The following EEF2K variants were observed in gnomAD, a reference collection of about 807,000 sequenced individuals.
EEF2K encodes alternative protein EEF2K.
A neutral mutation model predicts 93.8 loss-of-function variants in EEF2K; 70 were observed. The ratio of observed to expected loss-of-function variants is 0.75; its 90% CI spans 0.62 to 0.91. The LOEUF (loss-of-function observed/expected upper bound fraction) is 0.91, where lower values mean the gene tolerates loss of function less well. EEF2K is among the 40% of genes least tolerant of loss of function. The pLI is 0.00. For synonymous variants in EEF2K, 376 were observed against 380.8 expected (o/e 0.99, Z 0.15); for missense variants, 935 against 972.9 (o/e 0.96, Z 0.52).
At position 22,248,795 on chromosome 16, in the gene EEF2K, C is replaced by G. The variant is rs959467881; in HGVS notation, c.388C>G (p.Leu130Val). The G allele has an allele frequency of 4.3e-6, 7 of 1,614,044 alleles. No homozygotes were observed. The highest frequency in any genetic ancestry group is 5.1e-6 in the Non-Finnish European group (6 of 1,179,972). Reference sequence around the variant, plus strand: ...CGGGGAATGGCTGGATGATGAAGTTCTGATCAAGATGGCATCTCAGGTGAG... The same window carrying G: ...CGGGGAATGGCTGGATGATGAAGTTGTGATCAAGATGGCATCTCAGGTGAG... ...VTGEWLDDEV[L>V]IKMASQPFGR... Residue 130 changes from leucine (L) to valine (V), a missense_variant, in exon 4 of 18, where the codon CTG becomes GTG. Physicochemically the swap from Leu to Val is conservative, Grantham distance 32. Coordinates refer to ENST00000263026, the MANE Select transcript of EEF2K (RefSeq NM_013302.5).
At chr16:22,221,278 G>C (rs2047008881) in intron 1 of EEF2K, among the ~76,000 whole-genome samples, 1 of 152,070 alleles carries the variant, frequency 6.6e-6, no homozygotes, top group South Asian at 2.1e-4. Context: ...CTTGAGGCTG[G>C]AAGTTCAAGA....
intron 16 of EEF2K, among the ~76,000 whole-genome samples, chr16:22,278,406 AGAGCAAG>A (rs1325983114): frequency 2.0e-5 from 3 of 152,198 alleles, no homozygotes; most frequent in Non-Finnish European, 2.9e-5. Context: ...CGTTCCAACC[AGAGCAAG>A]GAGCCAGGTG....
At chr16:22,249,463 C>T (rs780006524) in intron 4 of EEF2K, among the ~76,000 whole-genome samples, 2 of 152,140 alleles carry the variant, frequency 1.3e-5, no homozygotes, top group South Asian at 2.1e-4. Flanking sequence ...AACATCGGCC[C>T]GTATCAACAA....
chr16:22,282,703 T>TATGCTCTTGGACTTGCC (rs780903179), intron 17 of EEF2K, among the ~76,000 whole-genome samples: 1 of 152,244 alleles, frequency 6.6e-6, no homozygotes, highest in Non-Finnish European at 1.5e-5. Context: ...ATGCTGGTGC[T>TATGCTCTTGGACTTGCC]ATGCTCTTGG....
intron 13 of EEF2K, among the ~76,000 whole-genome samples, chr16:22,265,473 C>T (rs904815669): frequency 1.3e-5 from 2 of 152,214 alleles, no homozygotes; most frequent in East Asian, 1.9e-4. Context: ...ACCTGCTCTC[C>T]AAGCCTGGAT....
chr16:22,217,716 G>A (rs2142101632), intron 1 of EEF2K, among the ~76,000 whole-genome samples: 1 of 152,292 alleles, frequency 6.6e-6, no homozygotes, highest in Non-Finnish European at 1.5e-5. Flanking sequence ...GCCTTCCAAA[G>A]TGTTGAGATT....
rs777278904 is a variant in EEF2K, at chr16:22,260,520, C to T, written c.1290C>T (p.Asp430=). The part of the protein sequence containing the change: ...NMASRDHDHL[D]NHRESENSGD... ...CATCCAGAGACCATGATCATCTAGA[C>T]AACCACCGGGTGAGTGTGAAGGGAG... The change falls in exon 11 of 18, where the codon GAC becomes GAT. Residue 430 remains aspartate (D), a synonymous_variant. Coordinates refer to ENST00000263026, the MANE Select transcript of EEF2K (RefSeq NM_013302.5). 69 of 1,614,008 alleles carry T rather than the reference C, an allele frequency of 4.3e-5. No individual in the cohort carries two copies. Among genetic ancestry groups the T allele is most frequent in the Non-Finnish European group, 4.9e-5 (58 of 1,180,022 alleles).
chr16:22,217,948 C>G (rs1011544849), intron 1 of EEF2K, among the ~76,000 whole-genome samples: 2 of 152,184 alleles, frequency 1.3e-5, no homozygotes, highest in Non-Finnish European at 2.9e-5. Flanking sequence ...TCATTTTTCT[C>G]TTTCTCTGGT....
intron 1 of EEF2K, among the ~76,000 whole-genome samples, chr16:22,213,625 G>C: frequency 6.6e-6 from 1 of 152,146 alleles, no homozygotes; most frequent in South Asian, 2.1e-4. Flanking sequence ...ATAGTTCCTG[G>C]GGATCAGAAG....
chr16:22,271,629 C>T (rs1408400571), intron 15 of EEF2K, among the ~76,000 whole-genome samples: 1 of 151,540 alleles, frequency 6.6e-6, no homozygotes, highest in African/African-American at 2.4e-5. Flanking sequence ...CCATACACTA[C>T]AGGAGTTTGA....
intron 1 of EEF2K, among the ~76,000 whole-genome samples, chr16:22,214,904 CAA>C (rs2046945020): frequency 1.3e-5 from 2 of 152,118 alleles, no homozygotes; most frequent in Admixed American, 6.6e-5. Context: ...TTACAGAAAA[CAA>C]AAGTACACTC....
At chr16:22,251,104 T>G in intron 5 of EEF2K, 47 bp from the exon 6 acceptor site, 1 of 1,582,228 alleles carries the variant, frequency 6.3e-7, no homozygotes, top group South Asian at 1.2e-5. Context: ...GTGTCCCTGG[T>G]GAACCCCAGA....
chr16:22,246,272 A>G (rs1200579576), intron 3 of EEF2K, among the ~76,000 whole-genome samples: 1 of 152,156 alleles, frequency 6.6e-6, no homozygotes, highest in East Asian at 1.9e-4. Flanking sequence ...CTGTAATCCC[A>G]GCACTTTGGG....
rs147347380 is a variant in EEF2K at position 22,233,270 on chromosome 16, T to C, written c.246+7295T>C. On this transcript the variant is annotated intron_variant, in intron 2 of 17. Coordinates refer to ENST00000263026, the MANE Select transcript of EEF2K (RefSeq NM_013302.5). Reference sequence around the variant, plus strand: ...AGCAGGAATTGTCTTTGGATTGGATTAGGAGGGACTGTGTTCCTTTTCTCC... The same window carrying C: ...AGCAGGAATTGTCTTTGGATTGGATCAGGAGGGACTGTGTTCCTTTTCTCC... 2.6e-3 allele frequency among the ~76,000 whole-genome samples: 389 copies of C among 152,318 alleles called. 1 individual carries two copies. The highest frequency in any genetic ancestry group is 9.0e-3 in the African/African-American group (376 of 41,572).
intron 15 of EEF2K, among the ~76,000 whole-genome samples, chr16:22,268,409 G>C (rs929987928): frequency 2.6e-5 from 4 of 151,930 alleles, no homozygotes; most frequent in African/African-American, 9.7e-5. Context: ...GACCTCAGGT[G>C]ATCTGCCCAC....
intron 3 of EEF2K, among the ~76,000 whole-genome samples, 180 bp downstream of exon 3, chr16:22,244,910 C>T (rs1193266878): frequency 6.6e-6 from 1 of 152,120 alleles, no homozygotes; most frequent in Admixed American, 6.6e-5. Flanking sequence ...GAATCCTTCT[C>T]GTGGTTCTCA....
chr16:22,235,591 G>GT, intron 2 of EEF2K, among the ~76,000 whole-genome samples: 1 of 151,798 alleles, frequency 6.6e-6, no homozygotes, highest in African/African-American at 2.4e-5. Flanking sequence ...TCTGCCTCTC[G>GT]GGTTCAAGTG....
rs770028621 is a variant in EEF2K at position 22,266,691 on chromosome 16, C to T, written c.1579C>T (p.His527Tyr). The change falls in exon 15 of 18, where the codon CAT becomes TAT. Residue 527 changes from histidine to tyrosine, a missense_variant. Transcript: ENST00000263026. ...GACACCGTAGTCTGTGTGGCAGGTC[C>T]ATCTGGCCATGGTGCGCTACCACGA... is the stretch of plus-strand genomic sequence containing the variant. ...KIGKSILGKVHLAMVRYHEGG... is the reference protein window; with the variant it reads ...KIGKSILGKVYLAMVRYHEGG... The T allele has an allele frequency of 6.2e-7, 1 of 1,607,070 alleles. No homozygotes were observed. Among genetic ancestry groups the T allele is most frequent in the South Asian group, 1.1e-5 (1 of 89,766 alleles).
At chr16:22,276,614 C>T (rs987404280) in intron 16 of EEF2K, among the ~76,000 whole-genome samples, 3 of 152,160 alleles carry the variant, frequency 2.0e-5, no homozygotes, top group South Asian at 4.1e-4. Flanking sequence ...TGGACGCCCT[C>T]GCCAATGGGA....
Sources: gnomAD v4.1 joint callset for allele counts (sites outside exome capture counted in the v4.1 genomes callset) on GRCh38, gnomAD v4.1.1 for gene constraint, MANE v1.5 for transcripts, NCBI Gene and HGNC (gene_info 2026-07-23, HGNC 2026-07-21) for gene names.